RBFOX1: variants seen among roughly 807,000 people sequenced by gnomAD.
The protein encoded by RBFOX1 is RNA binding protein fox-1 homolog 1.
Under a neutral mutation model 57.7 loss-of-function variants are expected in RBFOX1, and 8 were observed. That is an observed-to-expected ratio of 0.14 (90% CI 0.08 to 0.25). The LOEUF is 0.25. Ranked by LOEUF, RBFOX1 falls within the 10% of genes least tolerant of loss-of-function variation. The probability of loss-of-function intolerance (pLI) is 1.00; values close to 1 mark genes in which losing one functional copy is unlikely to be tolerated. For synonymous variants in RBFOX1, 326 were observed against 222.4 expected (o/e 1.47, Z -4.15); for missense variants, 611 against 548.5 (o/e 1.11, Z -1.14).
intron 3 of RBFOX1, among the ~76,000 whole-genome samples, chr16:5,815,962 C>T (rs556712376): frequency 6.6e-6 from 1 of 152,118 alleles, no homozygotes; most frequent in African/African-American, 2.4e-5. Flanking sequence ...ATCCATTAGG[C>T]TTGGTTGGAT....
At chr16:6,576,305 A>T (rs1376817665) in intron 2 of RBFOX1, among the ~76,000 whole-genome samples, 2 of 152,188 alleles carry the variant, frequency 1.3e-5, no homozygotes, top group African/African-American at 2.4e-5. Context: ...GACGACGTAG[A>T]CATGCCATTT....
chr16:6,225,862 T>G (rs1031481906), intron 1 of RBFOX1, among the ~76,000 whole-genome samples: 2 of 152,232 alleles, frequency 1.3e-5, no homozygotes, highest in African/African-American at 4.8e-5. Flanking sequence ...TCTTGTGATT[T>G]AATGCAAAAG....
At chr16:6,614,132 T>C (rs111744441) in intron 2 of RBFOX1, among the ~76,000 whole-genome samples, 5,265 of 152,268 alleles carry the variant, frequency 0.035, 286 homozygotes, top group African/African-American at 0.12. Context: ...CCAAAAAATA[T>C]TGAATTTCCC....
intron 4 of RBFOX1, among the ~76,000 whole-genome samples, chr16:7,147,485 A>T (rs12922129): frequency 6.6e-6 from 1 of 151,776 alleles, no homozygotes; most frequent in Admixed American, 6.6e-5. Flanking sequence ...CCTGCATCTC[A>T]TAGTCTCCAG....
intron 4 of RBFOX1, among the ~76,000 whole-genome samples, chr16:7,501,929 C>G (rs911706438): frequency 7.2e-5 from 11 of 152,190 alleles, no homozygotes; most frequent in Non-Finnish European, 4.4e-5. Flanking sequence ...AGCCCCCAAA[C>G]ATAGCACAGT....
intron 3 of RBFOX1, among the ~76,000 whole-genome samples, chr16:6,720,354 C>G (rs75038993): frequency 0.097 from 14,735 of 152,198 alleles, 900 homozygotes; most frequent in East Asian, 0.27. Context: ...AAAGTTTCCT[C>G]AGTCTTCCTA....
At chr16:6,083,596 C>A (rs994674993) in intron 1 of RBFOX1, among the ~76,000 whole-genome samples, 2 of 152,132 alleles carry the variant, frequency 1.3e-5, no homozygotes, top group Non-Finnish European at 2.9e-5. Context: ...CCAGCCTCAG[C>A]CTCCCAAGTA....
intron 3 of RBFOX1, among the ~76,000 whole-genome samples, chr16:6,853,497 G>T (rs1018746207): frequency 6.6e-6 from 1 of 152,102 alleles, no homozygotes; most frequent in Non-Finnish European, 1.5e-5. Flanking sequence ...GGTGCTCGAG[G>T]ACAATCCCTG....
At chr16:6,191,111 T>C (rs1001476248) in intron 1 of RBFOX1, among the ~76,000 whole-genome samples, 2 of 144,794 alleles carry the variant, frequency 1.4e-5, no homozygotes, top group African/African-American at 2.6e-5. Context: ...CTTGGTTGGA[T>C]TGAATAATGC....
intron 1 of RBFOX1, among the ~76,000 whole-genome samples, chr16:6,082,853 C>G (rs1172104876): frequency 2.0e-5 from 3 of 152,070 alleles, no homozygotes; most frequent in Non-Finnish European, 2.9e-5. Flanking sequence ...ACCCAATAGC[C>G]CAGATCCCAC....
At chr16:6,705,844 C>G (rs956191316) in intron 3 of RBFOX1, among the ~76,000 whole-genome samples, 3 of 152,138 alleles carry the variant, frequency 2.0e-5, no homozygotes, top group African/African-American at 7.2e-5. Flanking sequence ...ATGGCAAAAC[C>G]CTGTCTTTAC....
At chr16:5,864,826 G>A (rs2057309083) in intron 3 of RBFOX1, among the ~76,000 whole-genome samples, 1 of 152,080 alleles carries the variant, frequency 6.6e-6, no homozygotes, top group Non-Finnish European at 1.5e-5. Flanking sequence ...TAGCTAGTGG[G>A]CAATCATTAG....
intron 3 of RBFOX1, among the ~76,000 whole-genome samples, chr16:5,663,484 C>T (rs1432976416): frequency 2.6e-5 from 4 of 152,042 alleles, no homozygotes. Context: ...GTATTAAATG[C>T]ATGAGCTACC....
chr16:6,416,464 C>G (rs184705348), intron 2 of RBFOX1, among the ~76,000 whole-genome samples: 53 of 152,224 alleles, frequency 3.5e-4, no homozygotes, highest in African/African-American at 1.2e-3. Context: ...CCTGCCTCCT[C>G]CTTCTCCTTG....
In RBFOX1 at chr16:7,410,509, C is replaced by T. The variant is rs186724081; in HGVS notation, c.28-107638C>T. On this transcript the variant is annotated intron_variant, in intron 4 of 15. Coordinates refer to ENST00000550418, the MANE Select transcript of RBFOX1 (RefSeq NM_018723.4). ...CCAGCCTGACCAACATGGAGAAACC[C>T]GGTCTCTACTAAAAATACAAAATTA... 2.0e-4 allele frequency among the ~76,000 whole-genome samples: 31 copies of T among 152,226 alleles called. No homozygotes were observed. In the East Asian group the frequency reaches 5.2e-3, roughly 26 times the overall value.
rs569009412 is a variant in RBFOX1, at chr16:7,588,999, C to T, written c.468+1699C>T. 8.4e-4 allele frequency among the ~76,000 whole-genome samples: 128 copies of T among 152,280 alleles called. 2 individuals are homozygous for T. The highest frequency in any genetic ancestry group is 3.0e-3 in the African/African-American group (125 of 41,562). ...GGGACCTTGTCATTTTTCCATAGCT[C>T]CAGATATTTTACAATCGTTCTCGAA... is the stretch of plus-strand genomic sequence containing the variant. On this transcript the variant is annotated intron_variant, in intron 7 of 15. Transcript: ENST00000550418.
intron 4 of RBFOX1, among the ~76,000 whole-genome samples, chr16:5,972,167 GC>G (rs2059974131): frequency 6.6e-6 from 1 of 152,112 alleles, no homozygotes; most frequent in African/African-American, 2.4e-5. Flanking sequence ...AATTGTGTGA[GC>G]CAATTCCTTA....
chr16:6,539,452 T>G (rs1031914830), intron 2 of RBFOX1, among the ~76,000 whole-genome samples: 1 of 152,092 alleles, frequency 6.6e-6, no homozygotes, highest in Non-Finnish European at 1.5e-5. Context: ...TCTGTCCTAG[T>G]TTTTACTCTA....
intron 3 of RBFOX1, among the ~76,000 whole-genome samples, chr16:6,740,568 C>G (rs75279651): frequency 6.6e-6 from 1 of 152,044 alleles, no homozygotes; most frequent in South Asian, 2.1e-4. Context: ...ATCACATTGC[C>G]AAAAACAGTT....
Sources: allele counts gnomAD v4.1 joint callset (sites outside exome capture counted in the v4.1 genomes callset), GRCh38; gene constraint gnomAD v4.1.1; transcripts MANE v1.5; gene names NCBI Gene and HGNC (gene_info 2026-07-23, HGNC 2026-07-21).